ARHGAP6: variants seen among roughly 807,000 people sequenced by gnomAD.
ARHGAP6 encodes rho GTPase-activating protein 6.
ARHGAP6 carries 16 observed loss-of-function variants against 55.7 expected under a neutral mutation model. That is an observed-to-expected ratio of 0.29 (90% CI 0.19 to 0.44). The LOEUF (loss-of-function observed/expected upper bound fraction) is 0.44. Among genes scored for constraint, ARHGAP6 ranks in the 20% least tolerant of loss-of-function variants. ARHGAP6 has a pLI of 1.00. For missense variants in ARHGAP6, 698 were observed against 808.9 expected (o/e 0.86, Z 1.66); for synonymous variants, 382 against 360.9 (o/e 1.06, Z -0.66).
intron 1 of ARHGAP6, among the ~76,000 whole-genome samples, chrX:11,562,304 A>G (rs757581173): frequency 6.3e-5 from 7 of 111,933 alleles, no homozygotes; most frequent in Admixed American, 1.9e-4. Context: ...AATTTGAGGA[A>G]CTGCCCTCAG....
At chrX:11,287,683 A>G (rs2047938016) in intron 1 of ARHGAP6, among the ~76,000 whole-genome samples, 1 of 111,684 alleles carries the variant, frequency 9.0e-6, no homozygotes, top group Admixed American at 9.5e-5. Flanking sequence ...CTTTTTCTGC[A>G]CACCAAGCAT....
chrX:11,288,609 A>T (rs1343127182), intron 1 of ARHGAP6, among the ~76,000 whole-genome samples: 2 of 111,937 alleles, frequency 1.8e-5, no homozygotes, highest in Non-Finnish European at 3.8e-5. Flanking sequence ...ACTCCAGAAC[A>T]TTTCTATCAT....
chrX:11,460,850 G>A (rs1299889107), intron 1 of ARHGAP6, among the ~76,000 whole-genome samples: 1 of 112,139 alleles, frequency 8.9e-6, no homozygotes, highest in Non-Finnish European at 1.9e-5. Context: ...TTTGTAAAGT[G>A]AGAATAATAA....
chrX:11,235,358 C>G (rs146553833), intron 2 of ARHGAP6, among the ~76,000 whole-genome samples: 30 of 112,645 alleles, frequency 2.7e-4, no homozygotes, highest in African/African-American at 9.3e-4. Flanking sequence ...CCTAAGGCTG[C>G]ATAGAGCCGG....
chrX:11,368,540 T>C (rs959425500), intron 1 of ARHGAP6, among the ~76,000 whole-genome samples: 2 of 111,971 alleles, frequency 1.8e-5, no homozygotes, highest in African/African-American at 6.5e-5. Flanking sequence ...CTTCCCAACC[T>C]GCCTTAATTA....
chrX:11,459,858 A>C (rs1002904125), intron 1 of ARHGAP6, among the ~76,000 whole-genome samples: 4 of 111,524 alleles, frequency 3.6e-5, no homozygotes, highest in African/African-American at 1.3e-4. Flanking sequence ...TTAATATGTG[A>C]CCATTCACAG....
At chrX:11,352,918 A>G (rs1309453873) in intron 1 of ARHGAP6, among the ~76,000 whole-genome samples, 1 of 111,987 alleles carries the variant, frequency 8.9e-6, no homozygotes, top group Non-Finnish European at 1.9e-5. Context: ...TACTACATAT[A>G]TATGCATATG....
chrX:11,585,112 C>T (rs1423469678), intron 1 of ARHGAP6, among the ~76,000 whole-genome samples: 1 of 112,379 alleles, frequency 8.9e-6, no homozygotes, highest in African/African-American at 3.2e-5. Context: ...GACATAATCT[C>T]CCTCTCTTTT....
At chrX:11,329,149 A>T (rs943417917) in intron 1 of ARHGAP6, among the ~76,000 whole-genome samples, 3 of 111,953 alleles carry the variant, frequency 2.7e-5, no homozygotes, top group Non-Finnish European at 5.6e-5. Flanking sequence ...AATAAATTTC[A>T]TGAAGGTTAC....
At chrX:11,189,708 G>A (rs772847588) in intron 3 of ARHGAP6, among the ~76,000 whole-genome samples, 1 of 112,113 alleles carries the variant, frequency 8.9e-6, no homozygotes, top group South Asian at 3.7e-4. Context: ...GAAACAATTT[G>A]TTAAATCCTT....
At chrX:11,177,110 A>T (rs972477478) in intron 8 of ARHGAP6, among the ~76,000 whole-genome samples, 14 of 111,614 alleles carry the variant, frequency 1.3e-4, no homozygotes. Context: ...CTTCTTATTG[A>T]TTTACAGTGC....
chrX:11,650,071 T>C (rs2052569460), intron 1 of ARHGAP6, among the ~76,000 whole-genome samples: 1 of 105,728 alleles, frequency 9.5e-6, no homozygotes, highest in Non-Finnish European at 1.9e-5. Flanking sequence ...CATGGTTCAC[T>C]GCAACCTTGA....
At chrX:11,300,574 T>C (rs369891804) in intron 1 of ARHGAP6, 8 of 1,147,887 alleles carry the variant, frequency 7.0e-6, no homozygotes, top group Non-Finnish European at 9.5e-6. Flanking sequence ...CATTTGTAAA[T>C]TATTTTAACT....
chrX:11,341,348 T>C (rs1303081784), intron 1 of ARHGAP6, among the ~76,000 whole-genome samples: 2 of 111,580 alleles, frequency 1.8e-5, no homozygotes, highest in Non-Finnish European at 3.8e-5. Context: ...GTCAAAGTAC[T>C]GACTCAAAAC....
intron 2 of ARHGAP6, among the ~76,000 whole-genome samples, chrX:11,252,784 AAT>A (rs2047441060): frequency 8.9e-6 from 1 of 112,017 alleles, no homozygotes; most frequent in Non-Finnish European, 1.9e-5. Flanking sequence ...CATAACCTCC[AAT>A]GGAGTCTCAG....
chrX:11,326,691 G>A (rs1188220903), intron 1 of ARHGAP6, among the ~76,000 whole-genome samples: 1 of 111,644 alleles, frequency 9.0e-6, no homozygotes, highest in Non-Finnish European at 1.9e-5. Context: ...AGCCTGTATT[G>A]CTTAGGAGGC....
intron 1 of ARHGAP6, among the ~76,000 whole-genome samples, chrX:11,361,970 A>T (rs1297037435): frequency 1.5e-4 from 17 of 112,099 alleles, no homozygotes; most frequent in African/African-American, 4.9e-4. Flanking sequence ...ATCTCACACC[A>T]GTTACAATGG....
chrX:11,292,132 T>C (rs749729180), intron 1 of ARHGAP6, among the ~76,000 whole-genome samples: 145 of 112,243 alleles, frequency 1.3e-3, no homozygotes, highest in Non-Finnish European at 2.4e-3. Flanking sequence ...GTAATTTGTA[T>C]ATATACGTAT....
At chrX:11,207,291 G>A (rs1214782181) in intron 2 of ARHGAP6, among the ~76,000 whole-genome samples, 1 of 110,153 alleles carries the variant, frequency 9.1e-6, no homozygotes, top group Non-Finnish European at 1.9e-5. Context: ...AGCCTCCAAA[G>A]TGTTAGGATT....
Sources: allele counts gnomAD v4.1 joint callset (sites outside exome capture counted in the v4.1 genomes callset), GRCh38; gene constraint gnomAD v4.1.1; transcripts MANE v1.5; gene names NCBI Gene and HGNC (gene_info 2026-07-23, HGNC 2026-07-21).